The following DHRS7C variants were observed in gnomAD, a reference collection of about 807,000 sequenced individuals.
DHRS7C encodes dehydrogenase/reductase SDR family member 7C.
DHRS7C carries 28 observed loss-of-function variants against 29.6 expected under a neutral mutation model. The observed-to-expected ratio is 0.95, with a 90% CI of 0.70 to 1.30. DHRS7C has a LOEUF of 1.30. Among genes scored for constraint, DHRS7C ranks in the 50% most tolerant of loss-of-function variants. The pLI, the probability that DHRS7C is intolerant of heterozygous loss-of-function variation, is 0.00. For missense variants in DHRS7C, 403 were observed against 393.3 expected, an observed-to-expected ratio of 1.02 and a Z score of -0.21; for synonymous variants, 158 against 160.2, an observed-to-expected ratio of 0.99 and a Z score of 0.10.
chr17:9,773,286 C>T (rs575781265), intron 4 of DHRS7C, among the ~76,000 whole-genome samples: 4 of 152,014 alleles, frequency 2.6e-5, no homozygotes, highest in Non-Finnish European at 5.9e-5. Context: ...CATGAATTCC[C>T]CTTCCTTCCT....
Position 9,775,561 on chromosome 17 carries a change from A to G in DHRS7C, c.571+1632T>C, listed in dbSNP as rs1253494374. On this transcript the variant is annotated intron_variant, in intron 4 of 5. Coordinates refer to ENST00000571134, the MANE Select transcript of DHRS7C (RefSeq NM_001105571.3). This position sits in a 1 kb window ranked among gnomAD's most constrained non-coding sequence, Gnocchi z 4.2. ...GATGTTGTTGATGGAATGACTTAGC[A>G]TGACCCTGGGCCCCTCAGTGACCCT... Among the ~76,000 whole-genome samples, 2 of 152,030 alleles carry G rather than the reference A, an allele frequency of 1.3e-5. No individual in the cohort carries two copies. The highest frequency in any genetic ancestry group is 2.9e-5 in the Non-Finnish European group (2 of 67,998).
At chr17:9,786,144 G>A (rs1443943496) in intron 1 of DHRS7C, among the ~76,000 whole-genome samples, 1 of 151,928 alleles carries the variant, frequency 6.6e-6, no homozygotes, top group Non-Finnish European at 1.5e-5. Context: ...CTAACATGGT[G>A]AAACCCCGTT....
chr17:9,788,698 G>A (rs771224794), intron 1 of DHRS7C, among the ~76,000 whole-genome samples: 2 of 152,174 alleles, frequency 1.3e-5, no homozygotes, highest in Non-Finnish European at 2.9e-5. Flanking sequence ...TGCAGGTTCC[G>A]TGGCACCAGG....
chr17:9,780,432 A>G (rs2066387335), intron 2 of DHRS7C, among the ~76,000 whole-genome samples: 1 of 120,412 alleles, frequency 8.3e-6, no homozygotes, highest in African/African-American at 3.3e-5. Context: ...TGCAAGTTGA[A>G]AAAAAAAAAT....
intron 4 of DHRS7C, 42 bp downstream of exon 4, chr17:9,777,151 A>T (rs1280872450): frequency 6.5e-7 from 1 of 1,527,622 alleles, no homozygotes; most frequent in South Asian, 1.2e-5. Flanking sequence ...ATACCATAAG[A>T]CATACAACAG....
At chr17:9,771,743 CCGGCTGG>C (rs2066330184) in intron 5 of DHRS7C, 47 bp from the exon 6 acceptor site, 1 of 1,365,290 alleles carries the variant, frequency 7.3e-7, no homozygotes, top group Admixed American at 3.2e-5. Flanking sequence ...CCGTGGGGAC[CCGGCTGG>C]TCAGAGCCCT....
In DHRS7C at chr17:9,772,831, C is replaced by G. The variant is rs2280489; in HGVS notation, c.663G>C (p.Pro221=). 7.6e-5 allele frequency: 123 copies of G among 1,613,880 alleles called. No individual in the cohort carries two copies. In the African/African-American group the frequency reaches 1.5e-3, roughly 19 times the overall value. The change falls in exon 5 of 6, where the codon CCG becomes CCC. Residue 221 remains proline (P), a synonymous_variant. Transcript: ENST00000571134. ...ACACGTGGTACGACCGGATGAAAGTCGGGCTCACGGTGCTGATGACAACAT... is the reference window on the plus strand; with the variant it reads ...ACACGTGGTACGACCGGATGAAAGTGGGGCTCACGGTGCTGATGACAACAT... ...EYDVVISTVS[P]TFIRSYHVYP...
In DHRS7C at chr17:9,779,826, T is replaced by G; in HGVS notation, c.477A>C (p.Lys159Asn). 6.2e-7 allele frequency: 1 copy of G among 1,611,188 alleles called. No homozygotes were observed. The highest frequency in any genetic ancestry group is 8.5e-7 in the Non-Finnish European group (1 of 1,178,720). ...ANYFGPITLT[K>N]ALLPNMISRR... is the part of the protein sequence containing the mutation. ...ATGGGAAAGTCAAACTCACGAGACC[T>G]TTCGTCAATGTGATGGGGCCAAAGT... Residue 159 changes from lysine to asparagine, a missense_variant and splice_region_variant, in exon 3 of 6, where the codon AAA (lysine) becomes AAC (asparagine). Physicochemically the swap from Lys to Asn is moderately conservative, Grantham distance 94 (BLOSUM62 0). Coordinates refer to ENST00000571134, the MANE Select transcript of DHRS7C (RefSeq NM_001105571.3).
chr17:9,786,606 T>G (rs1346651089), intron 1 of DHRS7C, among the ~76,000 whole-genome samples: 1 of 152,156 alleles, frequency 6.6e-6, no homozygotes, highest in African/African-American at 2.4e-5. Flanking sequence ...AAAAAAATTC[T>G]TTTAAATATA....
chr17:9,784,963 A>G (rs1416026009), intron 1 of DHRS7C, among the ~76,000 whole-genome samples: 1 of 152,278 alleles, frequency 6.6e-6, no homozygotes, highest in Non-Finnish European at 1.5e-5. Context: ...ATACGATGCC[A>G]TAACGCTGGG....
Position 9,791,338 on chromosome 17 carries a change from G to A in DHRS7C, c.-54C>T. The A allele has an allele frequency of 6.9e-6, 11 of 1,588,948 alleles. No homozygotes were observed. The highest frequency in any genetic ancestry group is 8.6e-6 in the Non-Finnish European group (10 of 1,166,880). ...GGGATTGGCTTTGCAAAGAGACGCT[G>A]ATCAGGACTCCCAGGGCAGGGGGAG... On this transcript the variant is annotated 5_prime_UTR_variant, in exon 1 of 6. Coordinates refer to ENST00000571134, the MANE Select transcript of DHRS7C (RefSeq NM_001105571.3).
At chr17:9,788,015 G>C (rs75040456) in intron 1 of DHRS7C, among the ~76,000 whole-genome samples, 21,131 of 151,886 alleles carry the variant, frequency 0.14, 1,910 homozygotes, top group Non-Finnish European at 0.21. Flanking sequence ...ACATTTTAAA[G>C]GGTGGCCTAT....
chr17:9,784,474 AAAAACAAAAC>A (rs373003235), intron 1 of DHRS7C, among the ~76,000 whole-genome samples: 2 of 152,160 alleles, frequency 1.3e-5, no homozygotes, highest in Admixed American at 6.5e-5. Context: ...TCCATCTCAA[AAAAACAAAAC>A]AAAACAAAAC....
intron 1 of DHRS7C, among the ~76,000 whole-genome samples, chr17:9,789,346 A>G (rs2066441968): frequency 2.6e-5 from 4 of 152,234 alleles, no homozygotes; most frequent in African/African-American, 9.6e-5. Flanking sequence ...GGAAAGCAAT[A>G]AAACAAATTT....
intron 4 of DHRS7C, among the ~76,000 whole-genome samples, chr17:9,773,928 G>A (rs1020183430): frequency 6.6e-6 from 1 of 151,904 alleles, no homozygotes; most frequent in African/African-American, 2.4e-5. Flanking sequence ...TCGCCATGTT[G>A]GCCAGGCTGG....
At position 9,781,539 on chromosome 17, in the gene DHRS7C, G is replaced by A. The variant is rs1210199354; in HGVS notation, c.210C>T (p.Asn70=). The A allele has an allele frequency of 6.2e-7, 1 of 1,614,030 alleles. No homozygotes were observed. The highest frequency in any genetic ancestry group is 1.3e-5 in the African/African-American group (1 of 75,056). ...CATATAGGTTCTCTAGCCTCTCCCA[G>A]TTCTTTCCACACAGCACCAGCCTTG... is the stretch of plus-strand genomic sequence containing the variant. ...GGARLVLCGK[N]WERLENLYDA... The change falls in exon 2 of 6, where the codon AAC becomes AAT. Residue 70 remains asparagine (N), a synonymous_variant. Coordinates refer to ENST00000571134, the MANE Select transcript of DHRS7C (RefSeq NM_001105571.3).
At chr17:9,777,097 C>T (rs1597924656) in intron 4 of DHRS7C, 96 bp downstream of exon 4, 1 of 1,034,898 alleles carries the variant, frequency 9.7e-7, no homozygotes, top group Non-Finnish European at 1.4e-6. Context: ...GACCCTTTCC[C>T]CTGTGACCAT....
intron 1 of DHRS7C, among the ~76,000 whole-genome samples, chr17:9,788,188 A>G (rs2066434981): frequency 6.6e-6 from 1 of 152,166 alleles, no homozygotes; most frequent in Admixed American, 6.5e-5. Context: ...TCCGATAGCC[A>G]TTCTTTTTTT....
chr17:9,784,984 A>G (rs2066415611), intron 1 of DHRS7C, among the ~76,000 whole-genome samples: 2 of 152,388 alleles, frequency 1.3e-5, no homozygotes, highest in South Asian at 4.1e-4. Flanking sequence ...TTGTGTGTTT[A>G]TGTATGTAAT....
Sources: gnomAD v4.1 joint callset for allele counts (sites outside exome capture counted in the v4.1 genomes callset) on GRCh38, gnomAD v4.1.1 for gene constraint, Gnocchi (gnomAD v3.1) non-coding constraint, MANE v1.5 for transcripts, NCBI Gene and HGNC (gene_info 2026-07-23, HGNC 2026-07-21) for gene names.